NOB1: variants seen among roughly 807,000 people sequenced by gnomAD.
NOB1 encodes NIN1 (RPN12) binding protein 1 homolog, also known as RNA-binding protein NOB1.
In NOB1, 44 loss-of-function variants were observed where a neutral mutation model predicts 44.8. The ratio of observed to expected loss-of-function variants is 0.98; its 90% CI spans 0.77 to 1.26. The LOEUF (loss-of-function observed/expected upper bound fraction) is 1.26, where lower values mean the gene tolerates loss of function less well. Ranked by LOEUF, NOB1 falls within the 50% of genes most tolerant of loss-of-function variation. The pLI is 0.00. For missense variants in NOB1, 560 were observed against 544.8 expected, an observed-to-expected ratio of 1.03 and a Z score of -0.28; for synonymous variants, 238 against 218.7, an observed-to-expected ratio of 1.09 and a Z score of -0.78.
At chr16:69,745,892 A>C (rs976004148) in intron 7 of NOB1, among the ~76,000 whole-genome samples, 6 of 152,236 alleles carry the variant, frequency 3.9e-5, no homozygotes, top group African/African-American at 1.4e-4. Context: ...TCACGGGGCT[A>C]ATCTGACAAG....
chr16:69,752,195 AG>A, intron 3 of NOB1, 45 bp downstream of exon 3: 1 of 1,581,470 alleles, frequency 6.3e-7, no homozygotes, highest in Non-Finnish European at 8.7e-7. Flanking sequence ...TATACCTGAC[AG>A]TTCCCATAAT....
At chr16:69,754,773 C>T (rs2038512032) in intron 1 of NOB1, 47 bp from the exon 2 acceptor site, 1 of 1,612,714 alleles carries the variant, frequency 6.2e-7, no homozygotes, top group African/African-American at 1.3e-5. Flanking sequence ...CCAAGCAACG[C>T]TCCGCGCGAC....
chr16:69,750,401 G>C (rs1017114737), intron 3 of NOB1, among the ~76,000 whole-genome samples: 1 of 152,132 alleles, frequency 6.6e-6, no homozygotes, highest in African/African-American at 2.4e-5. Flanking sequence ...GCTGAGGTAG[G>C]AGGATTGTTT....
At chr16:69,750,963 T>A (rs370353895) in intron 3 of NOB1, among the ~76,000 whole-genome samples, 1 of 152,206 alleles carries the variant, frequency 6.6e-6, no homozygotes, top group East Asian at 1.9e-4. Flanking sequence ...CACAAATGTA[T>A]CAGTCTCTTC....
Position 69,742,273 on chromosome 16 carries a change from G to A in NOB1, c.*59C>T. On this transcript the variant is annotated 3_prime_UTR_variant, in exon 9 of 9. Coordinates refer to ENST00000268802, the MANE Select transcript of NOB1 (RefSeq NM_014062.3). ...GGAGACGACACGGCTGGGGAAATGGGTCACCGGAACTCCACGGCGGCCAGA... is the reference window on the plus strand; with the variant it reads ...GGAGACGACACGGCTGGGGAAATGGATCACCGGAACTCCACGGCGGCCAGA... The A allele has an allele frequency of 6.4e-7, 1 of 1,572,002 alleles. No homozygotes were observed. The highest frequency in any genetic ancestry group is 8.7e-7 in the Non-Finnish European group (1 of 1,155,738).
chr16:69,754,720 C>G lies in NOB1; in HGVS notation c.70G>C (p.Gly24Arg). 1.2e-6 allele frequency: 2 copies of G among 1,614,166 alleles called. No individual in the cohort carries two copies. Among genetic ancestry groups the G allele is most frequent in the Non-Finnish European group, 1.7e-6 (2 of 1,180,032 alleles). The change falls in exon 2 of 9, where the codon GGG becomes CGG. Residue 24 changes from glycine (G) to arginine (R), a missense_variant. Coordinates refer to ENST00000268802, the MANE Select transcript of NOB1 (RefSeq NM_014062.3). ...TCCCGGATGGTGTAAATGTTCTTCC[C>G]GATGTCCTGCGGACAGAACGCCCCA... Reference protein sequence around the residue: ...FLRHAALQDIGKNIYTIREVV... With the variant: ...FLRHAALQDIRKNIYTIREVV...
chr16:69,754,604 G>C lies in NOB1; in HGVS notation c.186C>G (p.Tyr62Ter), dbSNP rs377181676. The C allele has an allele frequency of 5.6e-6, 9 of 1,613,970 alleles. No homozygotes were observed. The highest frequency in any genetic ancestry group is 7.6e-6 in the Non-Finnish European group (9 of 1,180,046). ...GGCAGAGGCACTCACCCAGCCGCAC[G>C]TATTCCGGTAAGGGCTCCTTGAACC... Reference protein sequence around the residue: ...ELRFKEPLPEYVRLVTEFSKK... With the variant: ...ELRFKEPLPE The change falls in exon 2 of 9, where the codon TAC becomes TAG. Residue 62 changes from tyrosine (Y) to a stop codon, truncating the protein, a stop_gained. Transcript: ENST00000268802. LOFTEE classifies it high-confidence loss of function.
At chr16:69,748,755 G>A (rs918464292) in intron 6 of NOB1, 163 bp downstream of exon 6, 1 of 614,404 alleles carries the variant, frequency 1.6e-6, no homozygotes, top group Non-Finnish European at 2.8e-6. Context: ...TATGACGATT[G>A]TCTAGCCTCT....
chr16:69,747,474 G>T (rs1469727609), intron 7 of NOB1, among the ~76,000 whole-genome samples: 1 of 152,122 alleles, frequency 6.6e-6, no homozygotes, highest in Non-Finnish European at 1.5e-5. Flanking sequence ...TCTTCTTTTT[G>T]TAAACAGAAA....
At position 69,752,324 on chromosome 16, in the gene NOB1, T is replaced by C; in HGVS notation, c.244A>G (p.Thr82Ala). The C allele has an allele frequency of 6.2e-7, 1 of 1,613,978 alleles. No individual in the cohort carries two copies. Among genetic ancestry groups the C allele is most frequent in the Non-Finnish European group, 8.5e-7 (1 of 1,179,912 alleles). Residue 82 changes from threonine (T) to alanine (A), a missense_variant, in exon 3 of 9, where the codon ACG becomes GCG. By Grantham distance (58) the Thr-to-Ala change is moderately conservative. Coordinates refer to ENST00000268802, the MANE Select transcript of NOB1 (RefSeq NM_014062.3). ...KTGDYPSLSA[T>A]DIQVLALTYQ... ...GTGAGTGCAAGCACTTGGATGTCCGTGGCAGAGAGGCTGGGGTAGTCTCCT... is the reference window on the plus strand; with the variant it reads ...GTGAGTGCAAGCACTTGGATGTCCGCGGCAGAGAGGCTGGGGTAGTCTCCT...
At chr16:69,742,682 C>T (rs2038395142) in intron 8 of NOB1, 81 bp from the exon 9 acceptor site, 1 of 1,406,192 alleles carries the variant, frequency 7.1e-7, no homozygotes, top group Middle Eastern at 1.8e-4. Context: ...GTGCAGCCGA[C>T]CTTGCAGATC....
At chr16:69,747,358 TGAGACCTCGTCTCAAA>T (rs1419727497) in intron 7 of NOB1, among the ~76,000 whole-genome samples, 3 of 152,042 alleles carry the variant, frequency 2.0e-5, no homozygotes, top group South Asian at 2.1e-4. Context: ...GGCAACATCG[TGAGACCTCGTCTCAAA>T]GAAAAGAATC....
At chr16:69,742,925 A>C (rs2038397398) in intron 8 of NOB1, among the ~76,000 whole-genome samples, 1 of 152,184 alleles carries the variant, frequency 6.6e-6, no homozygotes, top group Admixed American at 6.5e-5. Flanking sequence ...TGTAGCCAAG[A>C]CGCAATGACA....
chr16:69,749,526 A>G, intron 4 of NOB1, 33 bp downstream of exon 4: 1 of 1,590,614 alleles, frequency 6.3e-7, no homozygotes. Flanking sequence ...TTCAGAAAAG[A>G]GCATGAACGG....
In NOB1 at chr16:69,742,576, C is replaced by G. The variant is rs943498114; in HGVS notation, c.995G>C (p.Gly332Ala). Residue 332 changes from glycine to alanine, a missense_variant, in exon 9 of 9, where the codon GGC (glycine) becomes GCC (alanine). Transcript: ENST00000268802. ...LRYSLPTPKG[G>A]KYAINPHLTE... is the part of the protein sequence containing the mutation. ...GAGATGGGGGTTGATGGCGTATTTG[C>G]CCCCTTTGGGAGTGGGAAGCGAGTA... 1.2e-6 allele frequency: 2 copies of G among 1,614,106 alleles called. No individual in the cohort carries two copies. Among genetic ancestry groups the G allele is most frequent in the Non-Finnish European group, 1.7e-6 (2 of 1,180,024 alleles).
At chr16:69,747,266 G>A (rs1036955306) in intron 7 of NOB1, among the ~76,000 whole-genome samples, 12 of 148,242 alleles carry the variant, frequency 8.1e-5, no homozygotes, top group Non-Finnish European at 1.3e-4. Context: ...CTGATAGGCA[G>A]ATGGCTCAGG....
intron 3 of NOB1, among the ~76,000 whole-genome samples, chr16:69,751,762 TA>T (rs1382869994): frequency 6.6e-6 from 1 of 152,194 alleles, no homozygotes; most frequent in Non-Finnish European, 1.5e-5. Context: ...TGTCTGAGTT[TA>T]AAATACTCAG....
intron 3 of NOB1, among the ~76,000 whole-genome samples, chr16:69,751,143 T>C (rs2038479360): frequency 6.6e-6 from 1 of 152,042 alleles, no homozygotes; most frequent in Admixed American, 6.6e-5. Context: ...TGAAGTGCAG[T>C]GGTATGATCA....
At chr16:69,751,494 C>T (rs955479520) in intron 3 of NOB1, among the ~76,000 whole-genome samples, 5 of 151,772 alleles carry the variant, frequency 3.3e-5, no homozygotes, top group African/African-American at 1.2e-4. Flanking sequence ...CAGCTAGACC[C>T]TGGATGAAAG....
Sources: gnomAD v4.1 joint callset for allele counts (sites outside exome capture counted in the v4.1 genomes callset) on GRCh38, gnomAD v4.1.1 for gene constraint, MANE v1.5 for transcripts, NCBI Gene and HGNC (gene_info 2026-07-23, HGNC 2026-07-21) for gene names.